ZFPM1: variants seen among roughly 807,000 people sequenced by gnomAD.
ZFPM1 encodes the protein zinc finger protein ZFPM1.
In ZFPM1, 28 loss-of-function variants were observed where a neutral mutation model predicts 46.3. That is an observed-to-expected ratio of 0.60 (90% CI 0.45 to 0.83). ZFPM1 has a LOEUF of 0.83. Among genes scored for constraint, ZFPM1 ranks in the 40% least tolerant of loss-of-function variants. The probability of loss-of-function intolerance (pLI) is 0.00; values close to 1 mark genes in which losing one functional copy is unlikely to be tolerated. For synonymous variants in ZFPM1, 957 were observed against 675.9 expected (o/e 1.42, Z -6.45); for missense variants, 1,878 against 1,432.4 (o/e 1.31, Z -5.02).
chr16:88,532,150 C>T lies in ZFPM1; in HGVS notation c.861C>T (p.Pro287=), dbSNP rs147050328. The T allele has an allele frequency of 3.9e-4, 634 of 1,612,670 alleles. No homozygotes were observed. Among genetic ancestry groups the T allele is most frequent in the Non-Finnish European group, 4.9e-4 (578 of 1,179,804 alleles). The change falls in exon 7 of 10, where the codon CCC becomes CCT. Residue 287 remains proline (P), a synonymous_variant. Transcript: ENST00000319555. ...ACGAGAAGCCCAAAGAGACCTACCCCAACGAGCGCGTCTGCCCCTTCCCCC... is the reference window on the plus strand; with the variant it reads ...ACGAGAAGCCCAAAGAGACCTACCCTAACGAGCGCGTCTGCCCCTTCCCCC... ...ATDEKPKETY[P]NERVCPFPQC...
At chr16:88,456,698 G>A (rs1276192505) in intron 1 of ZFPM1, among the ~76,000 whole-genome samples, 1 of 152,214 alleles carries the variant, frequency 6.6e-6, no homozygotes, top group Non-Finnish European at 1.5e-5. Flanking sequence ...GGGGCTGGGG[G>A]GCCAGCCTGT....
chr16:88,453,133 C>A (rs1387558040), upstream of ZFPM1, among the ~76,000 whole-genome samples: 4 of 142,170 alleles, frequency 2.8e-5, no homozygotes, highest in Non-Finnish European at 6.1e-5. Flanking sequence ...AAGAGCCGGG[C>A]TGGCGGGGGC....
chr16:88,533,033 G>A (rs1912921928), intron 9 of ZFPM1, 98 bp downstream of exon 9: 1 of 1,535,640 alleles, frequency 6.5e-7, no homozygotes, highest in African/African-American at 1.4e-5. Flanking sequence ...GTCCGTTTCA[G>A]CCTTCGCTCT....
chr16:88,533,353 G>GGCGGT lies in ZFPM1; in HGVS notation c.1397_1401dup (p.Glu468ArgfsTer332). 6.5e-7 allele frequency: 1 copy of GGCGGT among 1,532,962 alleles called. No individual in the cohort carries two copies. Among genetic ancestry groups the GGCGGT allele is most frequent in the East Asian group, 2.5e-5 (1 of 40,154 alleles). The allele number at this position is 1,532,962 out of a possible 1,614,324, so 95.0% of individuals were successfully genotyped here. On this transcript the variant is annotated frameshift_variant, in exon 10 of 10. Transcript: ENST00000319555. LOFTEE classifies it low-confidence loss of function (END_TRUNC). ...CGGCCCCCAGGAGCATCAAGGTGGA[G>GGCGGT]GCGGTGGAGGAGCCGGAGGCGGCCC...
intron 1 of ZFPM1, among the ~76,000 whole-genome samples, 172 bp from the exon 2 acceptor site, chr16:88,485,767 C>A (rs1048769633): frequency 6.6e-6 from 1 of 152,092 alleles, no homozygotes; most frequent in Non-Finnish European, 1.5e-5. Context: ...CCAGAGGGAG[C>A]CCCCAGCTAA....
At chr16:88,520,699 G>A (rs1162881676) in intron 4 of ZFPM1, among the ~76,000 whole-genome samples, 1 of 134,550 alleles carries the variant, frequency 7.4e-6, no homozygotes, top group Non-Finnish European at 1.6e-5. Context: ...ATTATTAGGT[G>A]GATGGGTGGG....
chr16:88,502,065 CATT>C (rs1420129262), intron 3 of ZFPM1, among the ~76,000 whole-genome samples: 311 of 72,790 alleles, frequency 4.3e-3, no homozygotes, highest in African/African-American at 0.012. Context: ...CGCCCCCCCC[CATT>C]TATTTATTTA....
chr16:88,460,857 C>T (rs993263731), intron 1 of ZFPM1, among the ~76,000 whole-genome samples: 3 of 149,142 alleles, frequency 2.0e-5, no homozygotes, highest in African/African-American at 7.3e-5. Flanking sequence ...GGCCTCCCAG[C>T]TGTTCATGGG....
intron 1 of ZFPM1, among the ~76,000 whole-genome samples, chr16:88,455,990 C>T (rs939278033): frequency 5.3e-5 from 8 of 152,156 alleles, no homozygotes; most frequent in African/African-American, 1.9e-4. Context: ...CGATAAGAGG[C>T]CTTATCTTTG....
upstream of ZFPM1, among the ~76,000 whole-genome samples, chr16:88,452,929 G>T (rs527610260): frequency 5.3e-5 from 8 of 152,200 alleles, no homozygotes; most frequent in East Asian, 1.9e-4. Flanking sequence ...AGGAGTGGGG[G>T]AGGCTAGAGG....
At chr16:88,452,149 G>A (rs1907307423), upstream of ZFPM1, among the ~76,000 whole-genome samples, 1 of 152,194 alleles carries the variant, frequency 6.6e-6, no homozygotes, top group Non-Finnish European at 1.5e-5. Context: ...GGGGGAGCAG[G>A]TAGCAAGTGT....
chr16:88,501,682 G>GGGCC (rs1910343984), intron 3 of ZFPM1, among the ~76,000 whole-genome samples: 1 of 129,832 alleles, frequency 7.7e-6, no homozygotes, highest in Non-Finnish European at 1.6e-5. Context: ...GATAGCGGGT[G>GGGCC]TGGGTGCAGG....
chr16:88,492,703 A>G (rs1909647583), intron 3 of ZFPM1, among the ~76,000 whole-genome samples: 1 of 152,146 alleles, frequency 6.6e-6, no homozygotes, highest in Admixed American at 6.5e-5. Flanking sequence ...CCCGGCGGAG[A>G]GGCCCGGCCT....
In ZFPM1 at chr16:88,471,285, G is replaced by A. The variant is rs900269321; in HGVS notation, c.41-14654G>A. On this transcript the variant is annotated intron_variant, in intron 1 of 9. Coordinates refer to ENST00000319555, the MANE Select transcript of ZFPM1 (RefSeq NM_153813.3). This position sits in a 1 kb window ranked among gnomAD's most constrained non-coding sequence, Gnocchi z 4.1. ...AGCCATGTGTGACCTCCACCCTCGCGAAGGCCAGCGGCCGCAGGGTCTGGC... is the reference window on the plus strand; with the variant it reads ...AGCCATGTGTGACCTCCACCCTCGCAAAGGCCAGCGGCCGCAGGGTCTGGC... 3.9e-5 allele frequency among the ~76,000 whole-genome samples: 6 copies of A among 152,236 alleles called. No homozygotes were observed. The highest frequency in any genetic ancestry group is 5.9e-5 in the Non-Finnish European group (4 of 68,036).
chr16:88,523,710 C>CTA (rs1912080616), intron 4 of ZFPM1, among the ~76,000 whole-genome samples: 1 of 152,172 alleles, frequency 6.6e-6, no homozygotes, highest in Non-Finnish European at 1.5e-5. Context: ...GCGGCAGGCC[C>CTA]CTCTGAGAGT....
At chr16:88,506,883 C>A (rs979829359) in intron 3 of ZFPM1, among the ~76,000 whole-genome samples, 3 of 152,226 alleles carry the variant, frequency 2.0e-5, no homozygotes, top group East Asian at 1.9e-4. Context: ...GCTCCCGTCA[C>A]CCGCGTCTCA....
At chr16:88,502,116 C>T (rs937681996) in intron 3 of ZFPM1, among the ~76,000 whole-genome samples, 17 of 138,848 alleles carry the variant, frequency 1.2e-4, no homozygotes, top group Non-Finnish European at 2.1e-4. Flanking sequence ...ATTTATCTCT[C>T]CTCCTTCTCT....
intron 1 of ZFPM1, among the ~76,000 whole-genome samples, chr16:88,464,432 A>G (rs969597341): frequency 6.6e-6 from 1 of 152,220 alleles, no homozygotes; most frequent in East Asian, 1.9e-4. Flanking sequence ...GCTGTCCCCA[A>G]CACCACCTAC....
intron 6 of ZFPM1, chr16:88,530,403 G>C (rs940189164): frequency 6.6e-6 from 1 of 151,506 alleles, no homozygotes; most frequent in Non-Finnish European, 1.5e-5. Context: ...CGCTGCTTCG[G>C]AAGGACACCA....
Sources: gnomAD v4.1 joint callset for allele counts (sites outside exome capture counted in the v4.1 genomes callset) on GRCh38, gnomAD v4.1.1 for gene constraint, Gnocchi (gnomAD v3.1) non-coding constraint, MANE v1.5 for transcripts, NCBI Gene and HGNC (gene_info 2026-07-23, HGNC 2026-07-21) for gene names.